The following TMEM176A variants were observed in gnomAD, a reference collection of about 807,000 sequenced individuals.
TMEM176A encodes the protein transmembrane protein 176A, also known as hepatocellular carcinoma-associated antigen 112.
Under a neutral mutation model 27.9 loss-of-function variants are expected in TMEM176A, and 20 were observed. The ratio of observed to expected loss-of-function variants is 0.72; its 90% confidence interval spans 0.50 to 1.04. The LOEUF is 1.04. TMEM176A is among the 50% of genes least tolerant of loss of function. The pLI is 0.00. For synonymous variants in TMEM176A, 125 were observed against 118.0 expected (o/e 1.06, Z -0.38); for missense variants, 252 against 289.1 (o/e 0.87, Z 0.93).
intron 2 of TMEM176A, 104 bp from the exon 3 acceptor site, chr7:150,802,111 T>TCC (rs1032009172): frequency 1.5e-6 from 1 of 670,918 alleles, no homozygotes; most frequent in African/African-American, 2.2e-5. Context: ...CTTCTTTCTT[T>TCC]CTCTCTCTCT....
intron 3 of TMEM176A, 158 bp from the exon 4 acceptor site, chr7:150,803,242 C>G: frequency 7.3e-7 from 1 of 1,371,024 alleles, no homozygotes; most frequent in Admixed American, 3.5e-5. Context: ...GATCCAGGCT[C>G]CACCCTCTCA....
chr7:150,802,453 C>T, intron 3 of TMEM176A, 128 bp downstream of exon 3: 2 of 869,096 alleles, frequency 2.3e-6, no homozygotes, highest in Non-Finnish European at 1.8e-6. Flanking sequence ...TAGGACCATT[C>T]CCTGCCTGTT....
chr7:150,801,953 T>C, intron 2 of TMEM176A: 5 of 622,166 alleles, frequency 8.0e-6, no homozygotes, highest in Non-Finnish European at 1.4e-5. Flanking sequence ...AGTGGAGCCC[T>C]GAGTCCATCC....
intron 1 of TMEM176A, 168 bp downstream of exon 1, chr7:150,800,996 C>T: frequency 2.0e-6 from 2 of 985,678 alleles, no homozygotes; most frequent in Middle Eastern, 5.2e-4. Flanking sequence ...GACCTACCTC[C>T]GCACCGCAGC....
chr7:150,802,243 G>A lies in TMEM176A; in HGVS notation c.203G>A (p.Ser68Asn), dbSNP rs777428988. The change falls in exon 3 of 7, where the codon AGT (serine) becomes AAT (asparagine). Residue 68 changes from serine to asparagine, a missense_variant. Ser to Asn is a conservative substitution (Grantham distance 46, BLOSUM62 1). Coordinates refer to ENST00000004103, the MANE Select transcript of TMEM176A (RefSeq NM_018487.3). ...WVMQIVLGIL[S>N]AVLGGFFYIR... ...ATGCAGATCGTGCTGGGGATCTTGA[G>A]TGCAGTCCTAGGAGGATTTTTCTAC... 18 of 1,613,892 alleles carry A rather than the reference G, an allele frequency of 1.1e-5. No individual in the cohort carries two copies. The highest frequency in any genetic ancestry group is 2.2e-5 in the South Asian group (2 of 91,072).
chr7:150,802,700 C>T, intron 3 of TMEM176A: 1 of 1,052,496 alleles, frequency 9.5e-7, no homozygotes, highest in Non-Finnish European at 1.1e-6. Context: ...TGGTTATTCT[C>T]ATTGTCCTCC....
At position 150,801,721 on chromosome 7, in the gene TMEM176A, G is replaced by A. The variant is rs1127958; in HGVS notation, c.171G>A (p.Ser57=). The stretch of plus-strand genomic sequence containing the variant: ...GCAGCAGCCGGCTGCTGGTGGCCTC[G>A]TGGGTGAGTGTGACGGCCTGCCTCG... ...ARGSSRLLVA[S]WVMQIVLGIL... The change falls in exon 2 of 7, where the codon TCG becomes TCA. Residue 57 remains serine (S), a synonymous_variant. Transcript: ENST00000004103. The A allele has an allele frequency of 0.29, 436,549 of 1,523,916 alleles. 65,585 individuals are homozygous for A. Among genetic ancestry groups the A allele is most frequent in the Middle Eastern group, 0.33 (1,606 of 4,826 alleles). 94.4% of individuals were successfully genotyped at this position (1,523,916 alleles called of 1,614,324 possible).
chr7:150,804,287 C>T, intron 5 of TMEM176A, 75 bp from the exon 6 acceptor site: 1 of 1,231,578 alleles, frequency 8.1e-7, no homozygotes, highest in South Asian at 1.2e-5. Flanking sequence ...TTTCCCAGGT[C>T]AATAAGGAGC....
At position 150,802,343 on chromosome 7, in the gene TMEM176A, G is replaced by A; in HGVS notation, c.285+18G>A. ...GGGCTGTGGTGAGTAGAGCAGGACA[G>A]TGCTTGACTGCCTGTGAGAGGGGTG... On this transcript the variant is annotated intron_variant, in intron 3 of 6. Coordinates refer to ENST00000004103, the MANE Select transcript of TMEM176A (RefSeq NM_018487.3). 1 of 1,606,180 alleles carries A rather than the reference G, an allele frequency of 6.2e-7. No individual in the cohort carries two copies. Among genetic ancestry groups the A allele is most frequent in the South Asian group, 1.1e-5 (1 of 90,784 alleles).
intron 4 of TMEM176A, 70 bp from the exon 5 acceptor site, chr7:150,803,549 CT>C (rs1029151354): frequency 5.0e-6 from 8 of 1,590,556 alleles, no homozygotes; most frequent in African/African-American, 2.7e-5. Flanking sequence ...GGGCCTTGCC[CT>C]TTTTTCCCCC....
At chr7:150,803,508 C>T (rs776791243) in intron 4 of TMEM176A, 52 bp downstream of exon 4, 1 of 1,574,466 alleles carries the variant, frequency 6.4e-7, no homozygotes, top group East Asian at 2.2e-5. Context: ...TGGAGGTCAC[C>T]CCAATCTCCT....
intron 3 of TMEM176A, chr7:150,803,040 T>C: frequency 9.8e-7 from 1 of 1,021,982 alleles, no homozygotes; most frequent in Non-Finnish European, 1.2e-6. Context: ...CTGTATAGAC[T>C]CACCCTTCAT....
In TMEM176A at chr7:150,801,664, TGC is replaced by T; in HGVS notation, c.117_118del (p.Leu40AlafsTer98). On this transcript the variant is annotated frameshift_variant, in exon 2 of 7. Transcript: ENST00000004103. LOFTEE classifies it high-confidence loss of function. ...CCAAGCTCCTGCTCACCTGCTGCTC[TGC>T]GCTGCGGCCCCGGGCCACCCAGGCC... ...LAKLLLTCCS[A>X]LRPRATQARG... 1 of 1,611,196 alleles carries T rather than the reference TGC, an allele frequency of 6.2e-7. No homozygotes were observed. Among genetic ancestry groups the T allele is most frequent in the Non-Finnish European group, 8.5e-7 (1 of 1,179,240 alleles).
intron 1 of TMEM176A, 158 bp from the exon 2 acceptor site, chr7:150,801,378 C>A: frequency 1.5e-6 from 1 of 673,056 alleles, no homozygotes; most frequent in Non-Finnish European, 2.4e-6. Context: ...CTGCTACACA[C>A]ATTCCCCTCG....
rs1287936738 is a variant in TMEM176A, at chr7:150,801,739, C to T, written c.174+15C>T. 6.7e-7 allele frequency: 1 copy of T among 1,496,116 alleles called. No homozygotes were observed. Among genetic ancestry groups the T allele is most frequent in the Non-Finnish European group, 8.8e-7 (1 of 1,132,562 alleles). 92.7% of individuals were successfully genotyped at this position (1,496,116 alleles called of 1,614,324 possible). On this transcript the variant is annotated intron_variant, in intron 2 of 6. Coordinates refer to ENST00000004103, the MANE Select transcript of TMEM176A (RefSeq NM_018487.3). ...TGGCCTCGTGGGTGAGTGTGACGGC[C>T]TGCCTCGTCGGGCGGCGGGAGGAAC... is the stretch of plus-strand genomic sequence containing the variant.
intron 3 of TMEM176A, chr7:150,803,169 C>G (rs1798852630): frequency 7.8e-7 from 1 of 1,276,758 alleles, no homozygotes; most frequent in Admixed American, 3.8e-5. Context: ...GGGGCTCACA[C>G]CTGGCTTGAC....
rs755289781 is a variant in TMEM176A, at chr7:150,802,323, G to A, written c.283G>A (p.Val95Met). 5.0e-6 allele frequency: 8 copies of A among 1,613,968 alleles called. No homozygotes were observed. In the South Asian group the frequency reaches 6.6e-5, roughly 13 times the overall value. ...TSGAAIWTGA[V>M]AVLAGAAAFI... ...GGGAGCTGCCATCTGGACAGGGGCT[G>A]TGGTGAGTAGAGCAGGACAGTGCTT... Residue 95 changes from valine to methionine, a missense_variant and splice_region_variant, in exon 3 of 7, where the codon GTG (valine) becomes ATG (methionine). Transcript: ENST00000004103.
intron 2 of TMEM176A, 46 bp downstream of exon 2, chr7:150,801,770 A>C (rs751057383): frequency 2.8e-6 from 4 of 1,440,266 alleles, no homozygotes. Context: ...GGAACTCCCC[A>C]CCTCCAGCCG....
chr7:150,803,754 G>C lies in TMEM176A; in HGVS notation c.477G>C (p.Trp159Cys), dbSNP rs199644113. The C allele has an allele frequency of 6.2e-7, 1 of 1,614,148 alleles. No homozygotes were observed. The highest frequency in any genetic ancestry group is 2.2e-5 in the East Asian group (1 of 44,882). ...SACRISSSSD[W>C]NTPAPTQSPE... ...GCCGCATCTCCAGCTCGAGTGACTG[G>C]AACACTCCAGCCCCCACTCAGAGTC... Residue 159 changes from tryptophan (W) to cysteine (C), a missense_variant, in exon 5 of 7, where the codon TGG becomes TGC. Trp to Cys is a radical substitution (Grantham distance 215). Transcript: ENST00000004103.
Sources: allele counts gnomAD v4.1 joint callset, GRCh38; gene constraint gnomAD v4.1.1; transcripts MANE v1.5; gene names NCBI Gene and HGNC (gene_info 2026-07-23, HGNC 2026-07-21).